Variants in PADI6 observed in about 807,000 individuals in gnomAD.
The protein encoded by PADI6 is inactive protein-arginine deiminase type-6.
In PADI6, 66 loss-of-function variants were observed where a neutral mutation model predicts 78.2. The ratio of observed to expected loss-of-function variants is 0.84; its 90% CI spans 0.69 to 1.04. The LOEUF (loss-of-function observed/expected upper bound fraction) is 1.04. Ranked by LOEUF, PADI6 falls within the 50% of genes least tolerant of loss-of-function variation. PADI6 has a pLI of 0.00. For missense variants in PADI6, 854 were observed against 866.1 expected (o/e 0.99, Z 0.18); for synonymous variants, 397 against 346.9 (o/e 1.14, Z -1.60).
intron 8 of PADI6, 30 bp downstream of exon 8, chr1:17,388,910 G>T (rs777837885): frequency 6.4e-7 from 1 of 1,567,346 alleles, no homozygotes; most frequent in Non-Finnish European, 8.8e-7. Flanking sequence ...ACTGTGCCAG[G>T]CGGTTCTCAT....
intron 6 of PADI6, among the ~76,000 whole-genome samples, chr1:17,385,387 T>C (rs2075110062): frequency 6.6e-6 from 1 of 151,946 alleles, no homozygotes; most frequent in Non-Finnish European, 1.5e-5. Flanking sequence ...AGAGAGGATG[T>C]AGTGATGGGT....
intron 9 of PADI6, 67 bp from the exon 10 acceptor site, chr1:17,393,908 C>A: frequency 6.9e-7 from 1 of 1,451,256 alleles, no homozygotes; most frequent in Non-Finnish European, 9.7e-7. Flanking sequence ...CTTACCGTAC[C>A]TTTTCCGTAA....
Position 17,398,778 on chromosome 1 carries a change from GAAGCTGACT to G in PADI6, c.1785_1793del (p.Lys595_Thr597del), listed in dbSNP as rs2075272932. ...AGATTCCCCAGCTGTTCTGCTTGGA[GAAGCTGACT>G]AACATCCCCTCTGACCAGCAGCCCA... On this transcript the variant is annotated inframe_deletion, in exon 15 of 16. Coordinates refer to ENST00000619609, the MANE Select transcript of PADI6 (RefSeq NM_207421.4). 1 of 1,612,228 alleles carries G rather than the reference GAAGCTGACT, an allele frequency of 6.2e-7. No homozygotes were observed. Among genetic ancestry groups the G allele is most frequent in the African/African-American group, 1.3e-5 (1 of 74,528 alleles).
intron 13 of PADI6, among the ~76,000 whole-genome samples, chr1:17,395,935 C>T (rs2800693): frequency 0.26 from 39,599 of 151,886 alleles, 5,224 homozygotes; most frequent in Middle Eastern, 0.4. Flanking sequence ...GGGGGGAAAA[C>T]GGGTGTTAAC....
intron 3 of PADI6, among the ~76,000 whole-genome samples, chr1:17,375,929 C>T (rs1447888808): frequency 1.3e-5 from 2 of 152,124 alleles, no homozygotes; most frequent in Middle Eastern, 3.2e-3. Flanking sequence ...CTTCCCCGCC[C>T]TCTAGATCAC....
At chr1:17,386,708 AG>A (rs1486836573) in intron 6 of PADI6, among the ~76,000 whole-genome samples, 3 of 152,216 alleles carry the variant, frequency 2.0e-5, no homozygotes, top group African/African-American at 7.2e-5. Context: ...CACAGCCAGC[AG>A]CAGGACTGAG....
chr1:17,400,299 A>AG (rs1417377290), intron 15 of PADI6, among the ~76,000 whole-genome samples: 13 of 151,878 alleles, frequency 8.6e-5, no homozygotes, highest in Non-Finnish European at 1.5e-5. Flanking sequence ...AGATCACTTG[A>AG]GGTCAGGACT....
At chr1:17,396,351 A>G (rs544887503) in intron 13 of PADI6, among the ~76,000 whole-genome samples, 1 of 152,196 alleles carries the variant, frequency 6.6e-6, no homozygotes, top group East Asian at 1.9e-4. Context: ...GTGCCATTGC[A>G]CTCCAGCCTG....
At position 17,381,065 on chromosome 1, in the gene PADI6, C is replaced by T; in HGVS notation, c.454C>T (p.Pro152Ser). Residue 152 changes from proline to serine, a missense_variant, in exon 5 of 16, where the codon CCC becomes TCC. Pro to Ser is a moderately conservative substitution (Grantham distance 74). Coordinates refer to ENST00000619609, the MANE Select transcript of PADI6 (RefSeq NM_207421.4). The part of the protein sequence containing the change: ...KQAKKKWIWG[P>S]SGWGAILLVN... ...TTTGCAGAAAAAATGGATCTGGGGT[C>T]CCAGCGGTTGGGGTGCCATCCTGCT... 6.2e-7 allele frequency: 1 copy of T among 1,603,674 alleles called. No individual in the cohort carries two copies. The highest frequency in any genetic ancestry group is 8.5e-7 in the Non-Finnish European group (1 of 1,175,306).
intron 3 of PADI6, among the ~76,000 whole-genome samples, chr1:17,377,892 C>T (rs1053101483): frequency 2.0e-4 from 31 of 152,178 alleles, no homozygotes; most frequent in Non-Finnish European, 3.7e-4. Flanking sequence ...ATAACGCCTT[C>T]CAACTGCTTC....
intron 9 of PADI6, among the ~76,000 whole-genome samples, 165 bp from the exon 10 acceptor site, chr1:17,393,810 A>G (rs954184847): frequency 6.6e-5 from 10 of 152,094 alleles, no homozygotes; most frequent in African/African-American, 9.7e-5. Context: ...AGAGTAGGGG[A>G]GAGAGGGATC....
intron 3 of PADI6, among the ~76,000 whole-genome samples, chr1:17,378,862 C>A (rs1002906229): frequency 2.0e-5 from 3 of 152,030 alleles, no homozygotes; most frequent in Admixed American, 2.0e-4. Context: ...GCCTCAGCCT[C>A]CCAAAGTGCT....
Position 17,388,555 on chromosome 1 carries a change from A to T in PADI6, c.854A>T (p.Asp285Val), listed in dbSNP as rs1456777415. The T allele has an allele frequency of 1.2e-6, 2 of 1,608,260 alleles. No individual in the cohort carries two copies. Among genetic ancestry groups the T allele is most frequent in the East Asian group, 4.5e-5 (2 of 44,820 alleles). Residue 285 changes from aspartate to valine, a missense_variant, in exon 7 of 16, where the codon GAC (aspartate) becomes GTC (valine). By Grantham distance (152) the Asp-to-Val change is radical. Transcript: ENST00000619609. ...YSVSLVEESQ[D>V]PSIPETVLYK... is the part of the protein sequence containing the mutation. ...GTGTCCCTGGTGGAGGAGTCTCAAG[A>T]CCCGGTATGTCCCCATAATAGATGG...
At chr1:17,396,981 C>A in intron 13 of PADI6, 90 bp from the exon 14 acceptor site, 1 of 1,194,640 alleles carries the variant, frequency 8.4e-7, no homozygotes, top group Non-Finnish European at 1.2e-6. Flanking sequence ...GGAATGCACC[C>A]AGGTGGCTGG....
intron 9 of PADI6, among the ~76,000 whole-genome samples, chr1:17,393,025 A>AGTCCC (rs2075204182): frequency 6.6e-6 from 1 of 152,164 alleles, no homozygotes; most frequent in South Asian, 2.1e-4. Flanking sequence ...GCGCGCCTGT[A>AGTCCC]GTCCCACCTA....
intron 1 of PADI6, among the ~76,000 whole-genome samples, chr1:17,372,727 A>C (rs968757253): frequency 3.2e-4 from 48 of 152,036 alleles, no homozygotes; most frequent in African/African-American, 1.1e-3. Flanking sequence ...TCACAGTACA[A>C]CTTCCTGAGT....
intron 10 of PADI6, 83 bp from the exon 11 acceptor site, chr1:17,394,217 T>C: frequency 6.4e-7 from 1 of 1,573,974 alleles, no homozygotes; most frequent in Non-Finnish European, 8.7e-7. Flanking sequence ...GAAGTCTACC[T>C]GAGAGCCTGG....
intron 3 of PADI6, among the ~76,000 whole-genome samples, chr1:17,378,957 G>C (rs796393156): frequency 0.018 from 2,380 of 135,736 alleles, 73 homozygotes; most frequent in African/African-American, 0.069. Context: ...ATTTTTTTTG[G>C]GGGGGGGGAC....
At chr1:17,400,100 CAGGAGGCT>C (rs2075286463) in intron 15 of PADI6, among the ~76,000 whole-genome samples, 1 of 151,594 alleles carries the variant, frequency 6.6e-6, no homozygotes, top group Non-Finnish European at 1.5e-5. Flanking sequence ...CTCAGCCACT[CAGGAGGCT>C]GAGGCAGGAC....
Sources: gnomAD v4.1 joint callset for allele counts (sites outside exome capture counted in the v4.1 genomes callset) on GRCh38, gnomAD v4.1.1 for gene constraint, MANE v1.5 for transcripts, NCBI Gene and HGNC (gene_info 2026-07-23, HGNC 2026-07-21) for gene names.